COL19A1: variants seen among roughly 807,000 people sequenced by gnomAD.
The protein encoded by COL19A1 is collagen type XIX alpha 1 chain.
COL19A1 carries 159 observed loss-of-function variants against 190.2 expected under a neutral mutation model. That is an observed-to-expected ratio of 0.84 (90% confidence interval 0.73 to 0.95). The LOEUF (loss-of-function observed/expected upper bound fraction) is 0.95. Among genes scored for constraint, COL19A1 ranks in the 40% least tolerant of loss-of-function variants. COL19A1 has a pLI of 0.00. For synonymous variants in COL19A1, 509 were observed against 458.9 expected, an observed-to-expected ratio of 1.11 and a Z score of -1.39; for missense variants, 1,418 against 1,431.9, an observed-to-expected ratio of 0.99 and a Z score of 0.16.
rs1018512936 is a variant in COL19A1, at chr6:70,193,668, G to A, written c.3094+3287G>A. Among the ~76,000 whole-genome samples the A allele has an allele frequency of 3.9e-5, 6 of 151,996 alleles. No individual in the cohort carries two copies. In the South Asian group the frequency reaches 6.3e-4, roughly 16 times the overall value. The stretch of plus-strand genomic sequence containing the variant: ...ATTTTCTGAGACTTCTAAACTCTAA[G>A]ACTCCATGTGTGATAGCCCTTTCCT... On this transcript the variant is annotated intron_variant, in intron 48 of 50. Coordinates refer to ENST00000620364, the MANE Select transcript of COL19A1 (RefSeq NM_001858.6).
intron 4 of COL19A1, among the ~76,000 whole-genome samples, chr6:69,925,460 C>G (rs1464287429): frequency 6.6e-6 from 1 of 152,152 alleles, no homozygotes; most frequent in African/African-American, 2.4e-5. Context: ...TGTTTTGATA[C>G]CAGTACCATG....
chr6:69,875,109 T>C lies in COL19A1; in HGVS notation c.-32-4427T>C, dbSNP rs113065379. 6.1e-3 allele frequency among the ~76,000 whole-genome samples: 931 copies of C among 152,350 alleles called. 9 individuals are homozygous for C. Among genetic ancestry groups the C allele is most frequent in the South Asian group, 0.013 (64 of 4,828 alleles). ...AAATAATGTCTAAGCTAGAGACCAA[T>C]GTGCTTCTTGGTCAGGTAAGGGCTT... On this transcript the variant is annotated intron_variant, in intron 1 of 50. Coordinates refer to ENST00000620364, the MANE Select transcript of COL19A1 (RefSeq NM_001858.6).
intron 46 of COL19A1, among the ~76,000 whole-genome samples, chr6:70,187,148 G>A (rs1273885189): frequency 6.6e-6 from 1 of 152,120 alleles, no homozygotes; most frequent in African/African-American, 2.4e-5. Context: ...CCAAAGTGCT[G>A]TGATTACAGG....
At chr6:70,171,846 A>G (rs1765519889) in intron 40 of COL19A1, 118 bp from the exon 41 acceptor site, 1 of 782,508 alleles carries the variant, frequency 1.3e-6, no homozygotes, top group Non-Finnish European at 2.2e-6. Flanking sequence ...TTTCCTTGCT[A>G]AATTACACAT....
intron 15 of COL19A1, among the ~76,000 whole-genome samples, chr6:70,100,720 C>T (rs1287412241): frequency 6.6e-6 from 1 of 151,666 alleles, no homozygotes; most frequent in South Asian, 2.1e-4. Context: ...TCAGGTGATC[C>T]GCCTGCCTCG....
intron 16 of COL19A1, among the ~76,000 whole-genome samples, chr6:70,111,096 C>T: frequency 6.6e-6 from 1 of 152,122 alleles, no homozygotes; most frequent in East Asian, 1.9e-4. Context: ...TTATAGTTTG[C>T]ATTTGATGAT....
intron 30 of COL19A1, 146 bp downstream of exon 30, chr6:70,150,191 GA>G: frequency 1.4e-5 from 11 of 813,088 alleles, no homozygotes; most frequent in East Asian, 2.6e-5. Context: ...TTTGTCGAGT[GA>G]AAAAAAATTC....
At chr6:70,112,121 T>A (rs985328819) in intron 16 of COL19A1, among the ~76,000 whole-genome samples, 1 of 152,156 alleles carries the variant, frequency 6.6e-6, no homozygotes, top group Non-Finnish European at 1.5e-5. Context: ...GTGGGGTCCA[T>A]GTAAGCCATC....
intron 15 of COL19A1, among the ~76,000 whole-genome samples, chr6:70,073,899 G>A (rs1781703020): frequency 6.6e-6 from 1 of 152,094 alleles, no homozygotes; most frequent in African/African-American, 2.4e-5. Context: ...GTTTGATTCT[G>A]AACTGGTTGA....
chr6:70,116,858 A>T (rs188785912), intron 16 of COL19A1, among the ~76,000 whole-genome samples: 2 of 152,182 alleles, frequency 1.3e-5, no homozygotes, highest in East Asian at 1.9e-4. Flanking sequence ...TATTTCAAAG[A>T]TTGTTCTTGA....
intron 4 of COL19A1, among the ~76,000 whole-genome samples, chr6:69,921,087 CAT>C (rs1771718464): frequency 8.8e-6 from 1 of 113,512 alleles, no homozygotes; most frequent in Non-Finnish European, 1.7e-5. Context: ...CATATATATT[CAT>C]AGACATATCA....
intron 2 of COL19A1, among the ~76,000 whole-genome samples, chr6:69,895,541 G>C: frequency 6.6e-6 from 1 of 152,202 alleles, no homozygotes; most frequent in Non-Finnish European, 1.5e-5. Flanking sequence ...CAGGGACTCT[G>C]TCTAGGCCAG....
intron 11 of COL19A1, among the ~76,000 whole-genome samples, chr6:69,973,629 A>G (rs564400526): frequency 0.034 from 3,478 of 101,956 alleles, 134 homozygotes; most frequent in African/African-American, 0.095. Context: ...TAAATTAAGA[A>G]AAACAGAATA....
At chr6:69,959,875 A>C in intron 9 of COL19A1, 121 bp from the exon 10 acceptor site, 15 of 725,128 alleles carry the variant, frequency 2.1e-5, no homozygotes, top group Non-Finnish European at 3.3e-5. Context: ...TATGCATGAT[A>C]GATATTCAGT....
intron 4 of COL19A1, among the ~76,000 whole-genome samples, chr6:69,919,303 C>G (rs745670832): frequency 1.3e-5 from 2 of 152,162 alleles, no homozygotes; most frequent in Non-Finnish European, 1.5e-5. Context: ...TTAATATTAA[C>G]AGAGCTTGTG....
chr6:70,125,656 G>A (rs1415794134), intron 17 of COL19A1, among the ~76,000 whole-genome samples: 4 of 152,154 alleles, frequency 2.6e-5, no homozygotes, highest in Non-Finnish European at 4.4e-5. Context: ...AGTGAGGTCA[G>A]GAAGATGGAT....
At chr6:70,043,277 C>T (rs1422750648) in intron 14 of COL19A1, among the ~76,000 whole-genome samples, 4 of 151,674 alleles carry the variant, frequency 2.6e-5, no homozygotes, top group East Asian at 3.9e-4. Flanking sequence ...CTGCAAGCTC[C>T]GCCTCTCGGG....
chr6:70,176,600 A>G, intron 42 of COL19A1, 36 bp downstream of exon 42: 1 of 1,608,198 alleles, frequency 6.2e-7, no homozygotes, highest in Non-Finnish European at 8.5e-7. Flanking sequence ...TTTCACAGGT[A>G]AACGGTTCTA....
At chr6:70,135,889 C>G (rs149855014) in intron 18 of COL19A1, among the ~76,000 whole-genome samples, 118 of 152,204 alleles carry the variant, frequency 7.8e-4, no homozygotes, top group African/African-American at 2.7e-3. Context: ...GGTCATGTCC[C>G]GGTCTTCTTG....
Sources: gnomAD v4.1 joint callset for allele counts (sites outside exome capture counted in the v4.1 genomes callset) on GRCh38, gnomAD v4.1.1 for gene constraint, MANE v1.5 for transcripts, NCBI Gene and HGNC (gene_info 2026-07-23, HGNC 2026-07-21) for gene names.